Variants in ENOX1 observed in about 807,000 individuals in gnomAD.
The protein encoded by ENOX1 is ecto-NOX disulfide-thiol exchanger 1, also known as candidate growth-related and time keeping constitutive hydroquinone (NADH) oxidase.
In ENOX1, 42 loss-of-function variants were observed where a neutral mutation model predicts 82.5. The ratio of observed to expected loss-of-function variants is 0.51; its 90% CI spans 0.40 to 0.66. ENOX1 has a LOEUF of 0.66. Among genes scored for constraint, ENOX1 ranks in the 30% least tolerant of loss-of-function variants. The pLI, the probability that ENOX1 is intolerant of heterozygous loss-of-function variation, is 0.00. For synonymous variants in ENOX1, 271 were observed against 282.2 expected, an observed-to-expected ratio of 0.96 and a Z score of 0.40; for missense variants, 608 against 811.6, an observed-to-expected ratio of 0.75 and a Z score of 3.05.
chr13:43,618,005 A>G (rs547182166), intron 2 of ENOX1, among the ~76,000 whole-genome samples: 1 of 151,964 alleles, frequency 6.6e-6, no homozygotes, highest in East Asian at 1.9e-4. Flanking sequence ...GCATTTTTTC[A>G]TGTTTCTTGG....
At chr13:43,436,170 G>A (rs1203420216) in intron 3 of ENOX1, among the ~76,000 whole-genome samples, 1 of 152,184 alleles carries the variant, frequency 6.6e-6, no homozygotes, top group African/African-American at 2.4e-5. Flanking sequence ...TGAGAAAAAT[G>A]TCAAGGGATT....
intron 3 of ENOX1, among the ~76,000 whole-genome samples, chr13:43,460,409 G>T (rs1392130676): frequency 2.0e-5 from 3 of 152,070 alleles, no homozygotes; most frequent in Admixed American, 2.0e-4. Context: ...CACCTCTGTG[G>T]TATCCAAGTC....
chr13:43,743,946 A>C (rs1351614352), intron 1 of ENOX1, among the ~76,000 whole-genome samples: 1 of 152,110 alleles, frequency 6.6e-6, no homozygotes, highest in African/African-American at 2.4e-5. Context: ...TTTATAACAA[A>C]CCCAGTCTCA....
intron 12 of ENOX1, among the ~76,000 whole-genome samples, chr13:43,274,180 CT>C: frequency 6.6e-6 from 1 of 152,280 alleles, no homozygotes; most frequent in African/African-American, 2.4e-5. Context: ...TCCAGATATC[CT>C]TTTTAATCTG....
intron 5 of ENOX1, among the ~76,000 whole-genome samples, chr13:43,380,927 G>A (rs2051998576): frequency 6.6e-6 from 1 of 151,664 alleles, no homozygotes; most frequent in Non-Finnish European, 1.5e-5. Context: ...TAATAAAATG[G>A]AAAGCTGAAG....
chr13:43,304,281 C>A (rs752810600), intron 11 of ENOX1, among the ~76,000 whole-genome samples: 2 of 152,198 alleles, frequency 1.3e-5, no homozygotes, highest in Non-Finnish European at 2.9e-5. Flanking sequence ...ATATTCTTTA[C>A]ACAGTATCCT....
chr13:43,310,966 C>T (rs1022103120), intron 11 of ENOX1, among the ~76,000 whole-genome samples: 1 of 151,678 alleles, frequency 6.6e-6, no homozygotes, highest in African/African-American at 2.4e-5. Flanking sequence ...ATTTTAATGA[C>T]CTGAAAGAAC....
At chr13:43,336,964 A>C (rs189239293) in intron 9 of ENOX1, among the ~76,000 whole-genome samples, 127 of 152,298 alleles carry the variant, frequency 8.3e-4, no homozygotes, top group African/African-American at 3.0e-3. Flanking sequence ...ACCTATCACA[A>C]ATGTATAAAG....
intron 2 of ENOX1, among the ~76,000 whole-genome samples, chr13:43,555,499 A>T (rs922825097): frequency 8.5e-5 from 13 of 152,246 alleles, no homozygotes; most frequent in Non-Finnish European, 8.8e-5. Flanking sequence ...GGTCAATCAG[A>T]TGAGGAAAAG....
intron 3 of ENOX1, among the ~76,000 whole-genome samples, chr13:43,441,676 G>A (rs1487831839): frequency 2.0e-5 from 3 of 148,254 alleles, no homozygotes; most frequent in Non-Finnish European, 4.4e-5. Context: ...GCGGCACTGC[G>A]GGTCTGCTGG....
chr13:43,314,486 T>C (rs2047371868), intron 11 of ENOX1, among the ~76,000 whole-genome samples: 1 of 152,230 alleles, frequency 6.6e-6, no homozygotes, highest in African/African-American at 2.4e-5. Flanking sequence ...ACGAAGCTCA[T>C]GTGCAACAGT....
chr13:43,618,438 G>A (rs930270245), intron 2 of ENOX1, among the ~76,000 whole-genome samples: 1 of 152,172 alleles, frequency 6.6e-6, no homozygotes, highest in Non-Finnish European at 1.5e-5. Context: ...TGAGGAACCA[G>A]TTTCATTCTC....
At chr13:43,247,781 C>A (rs1469746376) in intron 14 of ENOX1, among the ~76,000 whole-genome samples, 7 of 121,166 alleles carry the variant, frequency 5.8e-5, no homozygotes, top group African/African-American at 2.2e-4. Context: ...CTCTACAGAG[C>A]AACAGTGTCC....
intron 2 of ENOX1, among the ~76,000 whole-genome samples, chr13:43,598,570 G>A (rs2081568157): frequency 6.6e-6 from 1 of 152,118 alleles, no homozygotes. Flanking sequence ...GAAGACACAA[G>A]GATTGCCAGT....
In ENOX1 at chr13:43,549,666, A is replaced by G. The variant is rs549425033; in HGVS notation, c.-218-65514T>C. ...TAAAATATACTAACTGCATCAGTAG[A>G]TTCTAGAGGATACTCCTCTGTATCT... On this transcript the variant is annotated intron_variant, in intron 2 of 16. Coordinates refer to ENST00000690772, the MANE Select transcript of ENOX1 (RefSeq NM_001347969.2). Among the ~76,000 whole-genome samples the G allele has an allele frequency of 2.0e-4, 31 of 152,322 alleles. No individual in the cohort carries two copies. In the Middle Eastern group the frequency reaches 0.01, roughly 50 times the overall value.
intron 1 of ENOX1, among the ~76,000 whole-genome samples, chr13:43,690,258 T>TAAAAA (rs5803202): frequency 7.2e-6 from 1 of 139,446 alleles, no homozygotes; most frequent in Non-Finnish European, 1.6e-5. Context: ...ATAAATAAGT[T>TAAAAA]AAAAAAAAAA....
intron 3 of ENOX1, among the ~76,000 whole-genome samples, chr13:43,475,794 C>CAAAAAAAAAAAAAAAAAAAAAAAAAAAAA (rs10624980): frequency 7.0e-5 from 5 of 70,924 alleles, no homozygotes; most frequent in South Asian, 6.8e-4. Flanking sequence ...CATAACTGAC[C>CAAAAAAAAAAAAAAAAAAAAAAAAAAAAA]AAAAAAAAAA....
rs533302118 is a variant in ENOX1, at chr13:43,586,641, G to A, written c.-219+80838C>T. 1.4e-3 allele frequency among the ~76,000 whole-genome samples: 214 copies of A among 152,220 alleles called. 1 individual carries two copies. The highest frequency in any genetic ancestry group is 4.2e-3 in the African/African-American group (176 of 41,546). ...TAACCGCTAGCCTACCTTCTTTCCT[G>A]CCACATTAGCTTACTTTTACTTTCA... On this transcript the variant is annotated intron_variant, in intron 2 of 16. Coordinates refer to ENST00000690772, the MANE Select transcript of ENOX1 (RefSeq NM_001347969.2).
At chr13:43,778,263 C>T (rs896581461) in intron 1 of ENOX1, among the ~76,000 whole-genome samples, 11 of 152,326 alleles carry the variant, frequency 7.2e-5, no homozygotes, top group African/African-American at 2.4e-4. Flanking sequence ...CATAATTAAG[C>T]ATTCAATTCA....
Sources: allele counts gnomAD v4.1 joint callset (sites outside exome capture counted in the v4.1 genomes callset), GRCh38; gene constraint gnomAD v4.1.1; transcripts MANE v1.5; gene names NCBI Gene and HGNC (gene_info 2026-07-23, HGNC 2026-07-21).